SIPA1: variants seen among roughly 807,000 people sequenced by gnomAD.
SIPA1 encodes the protein signal-induced proliferation-associated 1.
SIPA1 carries 51 observed loss-of-function variants against 88.1 expected under a neutral mutation model. That is an observed-to-expected ratio of 0.58 (90% CI 0.46 to 0.73). The LOEUF is 0.73. Ranked by LOEUF, SIPA1 falls within the 30% of genes least tolerant of loss-of-function variation. SIPA1 has a pLI of 0.00. For missense variants in SIPA1, 1,348 were observed against 1,467.6 expected (o/e 0.92, Z 1.33); for synonymous variants, 681 against 664.8 (o/e 1.02, Z -0.37).
chr11:65,648,746 T>C (rs1282816465), intron 9 of SIPA1, among the ~76,000 whole-genome samples: 1 of 150,774 alleles, frequency 6.6e-6, no homozygotes, highest in Non-Finnish European at 1.5e-5. Flanking sequence ...GGCAGGAAAA[T>C]CACTTGAACC....
chr11:65,647,043 G>T lies in SIPA1; in HGVS notation c.2009G>T (p.Gly670Val). ...GACGGGTCCCCCGGCCAAGCCGTGG[G>T]CGAGGTGGTGGCGCGCCTGCAGGTG... ...RFDGSPGQAV[G>V]EVVARLQLVS... Residue 670 changes from glycine to valine, a missense_variant, in exon 8 of 16, where the codon GGC (glycine) becomes GTC (valine). This residue lies in a region of SIPA1 where 615 missense variants were observed against 559.8 expected (regional missense o/e 1.10). Coordinates refer to ENST00000534313, the MANE Select transcript of SIPA1 (RefSeq NM_006747.4). 6.5e-7 allele frequency: 1 copy of T among 1,544,306 alleles called. No individual in the cohort carries two copies.
chr11:65,647,104 G>C, intron 8 of SIPA1, 39 bp downstream of exon 8: 1 of 1,457,806 alleles, frequency 6.9e-7, no homozygotes, highest in South Asian at 1.4e-5. Flanking sequence ...TGCGCGCGGC[G>C]GGGCGGAGCC....
At chr11:65,648,730 G>T (rs1856188386) in intron 9 of SIPA1, among the ~76,000 whole-genome samples, 1 of 152,032 alleles carries the variant, frequency 6.6e-6, no homozygotes, top group African/African-American at 2.4e-5. Context: ...CTACTTGGGA[G>T]GCTGAGGCAG....
Position 65,649,784 on chromosome 11 carries a change from G to T in SIPA1, c.2665G>T (p.Glu889Ter). 6.2e-7 allele frequency: 1 copy of T among 1,614,072 alleles called. No homozygotes were observed. The highest frequency in any genetic ancestry group is 8.5e-7 in the Non-Finnish European group (1 of 1,180,028). ...QDRPGSPSGS[E>*]DKGNPAPELR... The stretch of plus-strand genomic sequence containing the variant: ...CAGGCCAGGCAGTCCCAGTGGCTCT[G>T]AGGACAAGGGCAACCCGGCGCCGGA... The change falls in exon 12 of 16, where the codon GAG (glutamate) becomes TAG (stop). Residue 889 changes from glutamate to a stop codon, truncating the protein, a stop_gained. Transcript: ENST00000534313. LOFTEE classifies it high-confidence loss of function.
intron 9 of SIPA1, 127 bp from the exon 10 acceptor site, chr11:65,649,135 C>T (rs966506313): frequency 3.1e-5 from 21 of 667,160 alleles, no homozygotes; most frequent in Non-Finnish European, 4.8e-5. Flanking sequence ...AGACATTTTT[C>T]ACTGTTGTCA....
intron 4 of SIPA1, among the ~76,000 whole-genome samples, chr11:65,643,949 G>A: frequency 6.6e-6 from 1 of 152,178 alleles, no homozygotes; most frequent in East Asian, 1.9e-4. Context: ...GGGGATGCCA[G>A]GCTGAAGGCT....
chr11:65,644,407 G>T (rs1417481438), intron 4 of SIPA1, among the ~76,000 whole-genome samples: 4 of 151,698 alleles, frequency 2.6e-5, no homozygotes, highest in Admixed American at 6.6e-5. Context: ...GGTGCAGGGG[G>T]TTGGGAGGAA....
At chr11:65,647,108 C>T (rs1856139204) in intron 8 of SIPA1, 43 bp downstream of exon 8, 2 of 1,449,606 alleles carry the variant, frequency 1.4e-6, no homozygotes, top group East Asian at 2.6e-5. Flanking sequence ...CGCGGCGGGG[C>T]GGAGCCTGCT....
In SIPA1 at chr11:65,643,684, A is replaced by G. The variant is rs529592356; in HGVS notation, c.984+1045A>G. 1.1e-3 allele frequency among the ~76,000 whole-genome samples: 163 copies of G among 152,244 alleles called. 1 individual carries two copies. Among genetic ancestry groups the G allele is most frequent in the Non-Finnish European group, 1.1e-3 (75 of 68,034 alleles). ...CCTTGGCCAGGGTTTTCCAGCATGG[A>G]GAACACAAAAGGGCTCAGGCCCGGA... is the stretch of plus-strand genomic sequence containing the variant. On this transcript the variant is annotated intron_variant, in intron 4 of 15. Coordinates refer to ENST00000534313, the MANE Select transcript of SIPA1 (RefSeq NM_006747.4).
At chr11:65,644,875 G>C (rs1856076556) in intron 4 of SIPA1, 80 bp from the exon 5 acceptor site, 1 of 1,434,154 alleles carries the variant, frequency 7.0e-7, no homozygotes. Flanking sequence ...CCCCAGGCCA[G>C]CGTCCCATCC....
At position 65,647,605 on chromosome 11, in the gene SIPA1, G is replaced by C; in HGVS notation, c.2253G>C (p.Ala751=). Residue 751 remains alanine, a synonymous_variant, in exon 9 of 16, where the codon GCG becomes GCC. Transcript: ENST00000534313. ...CCGCTGCCCAGCTCCTGCGCTCGGCGCCCAAGGTCTGCGTCACCGTCCTGC... is the reference window on the plus strand; with the variant it reads ...CCGCTGCCCAGCTCCTGCGCTCGGCCCCCAAGGTCTGCGTCACCGTCCTGC... The part of the protein sequence containing the change: ...PEAAAQLLRS[A]PKVCVTVLPP... 1 of 1,403,394 alleles carries C rather than the reference G, an allele frequency of 7.1e-7. No individual in the cohort carries two copies. The highest frequency in any genetic ancestry group is 1.4e-5 in the South Asian group (1 of 70,284). The allele number at this position is 1,403,394 out of a possible 1,614,324, so 86.9% of individuals were successfully genotyped here.
intron 14 of SIPA1, 71 bp downstream of exon 14, chr11:65,650,263 G>A: frequency 6.4e-7 from 1 of 1,568,746 alleles, no homozygotes; most frequent in Non-Finnish European, 8.8e-7. Context: ...GTCTGCTGGG[G>A]TGGAGCTCTG....
chr11:65,646,591 C>G lies in SIPA1; in HGVS notation c.1557C>G (p.Gly519=), dbSNP rs903532632. The change falls in exon 8 of 16, where the codon GGC becomes GGG. Residue 519 remains glycine (G), a synonymous_variant. Coordinates refer to ENST00000534313, the MANE Select transcript of SIPA1 (RefSeq NM_006747.4). This position sits in a 1 kb window ranked among gnomAD's most constrained non-coding sequence, Gnocchi z 7.5. ...CGCTGAATGGTGAGCAGGCGGCCGG[C>G]CACGCGCGCCAGTTCCACGCCATGG... ...AKALNGEQAA[G]HARQFHAMAT... The G allele has an allele frequency of 1.3e-6, 2 of 1,544,392 alleles. No homozygotes were observed. The highest frequency in any genetic ancestry group is 2.7e-5 in the African/African-American group (2 of 73,396).
chr11:65,642,268 G>T lies in SIPA1; in HGVS notation c.698G>T (p.Gly233Val). ...CCCCCAGAACATCAGAACTTCTTCGGGATGGACGAGTCGCTGGGCCCGGTG... is the reference window on the plus strand; with the variant it reads ...CCCCCAGAACATCAGAACTTCTTCGTGATGGACGAGTCGCTGGGCCCGGTG... Reference protein sequence around the residue: ...FYGKEHQNFFGMDESLGPVAV... With the variant: ...FYGKEHQNFFVMDESLGPVAV... The change falls in exon 3 of 16, where the codon GGG becomes GTG. Residue 233 changes from glycine (G) to valine (V), a missense_variant. Coordinates refer to ENST00000534313, the MANE Select transcript of SIPA1 (RefSeq NM_006747.4). The surrounding 1 kb of genome is among the most constrained non-coding windows in gnomAD (Gnocchi z 6.5). The T allele has an allele frequency of 6.4e-7, 1 of 1,555,166 alleles. No homozygotes were observed. The highest frequency in any genetic ancestry group is 8.7e-7 in the Non-Finnish European group (1 of 1,150,520).
Position 65,645,977 on chromosome 11 carries a change from G to T in SIPA1, c.1263+20G>T, listed in dbSNP as rs75468183. 2.5e-6 allele frequency: 4 copies of T among 1,571,614 alleles called. No homozygotes were observed. In the Admixed American group the frequency reaches 5.1e-5, roughly 20 times the overall value. ...CAGCAGGTGTGAGGGGGACCAACGT[G>T]GGGGTGGGGCTTCCGGGAACCATGG... On this transcript the variant is annotated intron_variant, in intron 6 of 15. Transcript: ENST00000534313.
chr11:65,649,006 C>T (rs184993380), intron 9 of SIPA1, among the ~76,000 whole-genome samples: 1 of 152,168 alleles, frequency 6.6e-6, no homozygotes, highest in Non-Finnish European at 1.5e-5. Flanking sequence ...CTATGAGGTT[C>T]GTACTATTAT....
intron 1 of SIPA1, among the ~76,000 whole-genome samples, chr11:65,638,975 G>A (rs1307853753): frequency 6.6e-6 from 1 of 152,212 alleles, no homozygotes; most frequent in Non-Finnish European, 1.5e-5. Context: ...AGGCCCGAGC[G>A]CTGAATGTGC....
In SIPA1 at chr11:65,647,633, C is replaced by G; in HGVS notation, c.2281C>G (p.Pro761Ala). 1 of 1,394,140 alleles carries G rather than the reference C, an allele frequency of 7.2e-7. No individual in the cohort carries two copies. The highest frequency in any genetic ancestry group is 9.3e-7 in the Non-Finnish European group (1 of 1,077,258). 86.4% of individuals were successfully genotyped at this position (1,394,140 alleles called of 1,614,324 possible). ...APKVCVTVLP[P>A]DESGRPRRSF... Reference sequence around the variant, plus strand: ...CAAGGTCTGCGTCACCGTCCTGCCCCCCGACGAGAGCGGCCGGCCCCGCAG... The same window carrying G: ...CAAGGTCTGCGTCACCGTCCTGCCCGCCGACGAGAGCGGCCGGCCCCGCAG... The change falls in exon 9 of 16, where the codon CCC becomes GCC. Residue 761 changes from proline to alanine, a missense_variant. By Grantham distance (27) the Pro-to-Ala change is conservative (BLOSUM62 -1). This residue lies in a region of SIPA1 where 615 missense variants were observed against 559.8 expected (regional missense o/e 1.10). Coordinates refer to ENST00000534313, the MANE Select transcript of SIPA1 (RefSeq NM_006747.4).
rs776538207 is a variant in SIPA1, at chr11:65,647,453, G to A, written c.2101G>A (p.Glu701Lys). The part of the protein sequence containing the change: ...PRDGQGRLGF[E>K]VDAEGFVTHV... ...CGACGGTCAAGGCCGCCTGGGCTTC[G>A]AGGTGGACGCCGAGGGATTCGTCAC... is the stretch of plus-strand genomic sequence containing the variant. The change falls in exon 9 of 16, where the codon GAG becomes AAG. Residue 701 changes from glutamate to lysine, a missense_variant. Around this residue, in one of 4 missense-constraint regions of SIPA1, gnomAD observed 615 missense variants for 559.8 expected, o/e 1.10. Coordinates refer to ENST00000534313, the MANE Select transcript of SIPA1 (RefSeq NM_006747.4). 15 of 1,482,876 alleles carry A rather than the reference G, an allele frequency of 1.0e-5. No homozygotes were observed. Among genetic ancestry groups the A allele is most frequent in the Non-Finnish European group, 1.3e-5 (15 of 1,125,260 alleles). The allele number at this position is 1,482,876 out of a possible 1,614,324, so 91.9% of individuals were successfully genotyped here.
Sources: gnomAD v4.1 joint callset for allele counts (sites outside exome capture counted in the v4.1 genomes callset) on GRCh38, gnomAD v4.1.1 for gene constraint, gnomAD v4.1.1 regional missense constraint, Gnocchi (gnomAD v3.1) non-coding constraint, MANE v1.5 for transcripts, NCBI Gene and HGNC (gene_info 2026-07-23, HGNC 2026-07-21) for gene names.